Variants in PCDHA8 observed in about 807,000 individuals in gnomAD.
The protein encoded by PCDHA8 is protocadherin alpha 8, also known as protocadherin alpha-8.
PCDHA8 carries 53 observed loss-of-function variants against 61.8 expected under a neutral mutation model. The ratio of observed to expected loss-of-function variants is 0.86; its 90% CI spans 0.69 to 1.08. The LOEUF (loss-of-function observed/expected upper bound fraction) is 1.08. Ranked by LOEUF, PCDHA8 falls within the 50% of genes least tolerant of loss-of-function variation. The pLI is 0.00. For synonymous variants in PCDHA8, 618 were observed against 556.6 expected (o/e 1.11, Z -1.55); for missense variants, 1,293 against 1,245.0 (o/e 1.04, Z -0.58).
rs185275722 is a variant in PCDHA8 at position 140,880,200 on chromosome 5, G to A, written c.2394+36485G>A. Among the ~76,000 whole-genome samples the A allele has an allele frequency of 2.9e-3, 441 of 152,242 alleles. 2 individuals are homozygous for A. The highest frequency in any genetic ancestry group is 9.7e-3 in the African/African-American group (402 of 41,548). ...TGAAGGGAAAAAGATAAACAGAAGA[G>A]GTTTTCCACCAGAAGTAGAACATTT... is the stretch of plus-strand genomic sequence containing the variant. On this transcript the variant is annotated intron_variant, in intron 1 of 3. Coordinates refer to ENST00000531613, the MANE Select transcript of PCDHA8 (RefSeq NM_018911.3).
chr5:140,883,332 T>A, intron 1 of PCDHA8: 1 of 1,614,174 alleles, frequency 6.2e-7, no homozygotes, highest in East Asian at 2.2e-5. Context: ...ATCACTTCTT[T>A]GTCACTCCCC....
At chr5:140,933,848 C>T (rs1176922942) in intron 1 of PCDHA8, among the ~76,000 whole-genome samples, 6 of 151,862 alleles carry the variant, frequency 4.0e-5, no homozygotes, top group African/African-American at 1.5e-4. Context: ...ATTCCTGTAC[C>T]TTTAATTTTT....
At chr5:140,982,391 G>T (rs539713475) in intron 2 of PCDHA8, 84 bp from the exon 3 acceptor site, 2 of 1,597,556 alleles carry the variant, frequency 1.3e-6, no homozygotes, top group South Asian at 1.1e-5. Flanking sequence ...TGGCTTCATA[G>T]TTGTAAGCAA....
chr5:140,856,715 G>C, intron 1 of PCDHA8: 2 of 1,596,442 alleles, frequency 1.3e-6, no homozygotes, highest in African/African-American at 1.3e-5. Flanking sequence ...TGAATTTACC[G>C]GATCTGTTTC....
At chr5:140,980,722 A>G (rs1318137295) in intron 2 of PCDHA8, among the ~76,000 whole-genome samples, 1 of 152,356 alleles carries the variant, frequency 6.6e-6, no homozygotes, top group South Asian at 2.1e-4. Context: ...TCGGGTTTCA[A>G]TTAAGATATT....
chr5:140,853,533 T>C (rs2042784288), intron 1 of PCDHA8: 2 of 979,954 alleles, frequency 2.0e-6, no homozygotes, highest in African/African-American at 3.5e-5. Context: ...TATGTCTCTT[T>C]TCAAGTTGTA....
At chr5:140,926,362 C>G (rs1199629040) in intron 1 of PCDHA8, 4 of 152,268 alleles carry the variant, frequency 2.6e-5, no homozygotes, top group African/African-American at 9.7e-5. Context: ...TCCCAAAGGG[C>G]GGCAGGAAGA....
At chr5:140,962,930 C>A (rs2095720492) in intron 1 of PCDHA8, among the ~76,000 whole-genome samples, 1 of 152,144 alleles carries the variant, frequency 6.6e-6, no homozygotes, top group South Asian at 2.1e-4. Flanking sequence ...TACTTCTCAA[C>A]CTCCTCTCCA....
intron 1 of PCDHA8, chr5:140,927,498 G>A (rs782816586): frequency 3.1e-6 from 5 of 1,614,138 alleles, no homozygotes; most frequent in Middle Eastern, 1.6e-4. Context: ...ACCTGCTGGT[G>A]CTTACAGCTC....
intron 3 of PCDHA8, among the ~76,000 whole-genome samples, chr5:141,005,089 A>G (rs1554259886): frequency 6.6e-6 from 1 of 152,244 alleles, no homozygotes; most frequent in East Asian, 1.9e-4. Context: ...TTAGTACTTT[A>G]CATGCATTAC....
At chr5:140,854,883 G>A (rs1356000756) in intron 1 of PCDHA8, among the ~76,000 whole-genome samples, 2 of 149,592 alleles carry the variant, frequency 1.3e-5, no homozygotes, top group Admixed American at 1.3e-4. Flanking sequence ...TGTCTTTTGG[G>A]CATTTGAAAA....
rs2150482959 is a variant in PCDHA8, at chr5:140,850,410, G to C, written c.2394+6695G>C. The C allele has an allele frequency of 5.8e-5, 93 of 1,597,818 alleles. 8 individuals carry two copies. The highest frequency in any genetic ancestry group is 7.6e-5 in the Non-Finnish European group (89 of 1,167,718). On this transcript the variant is annotated intron_variant, in intron 1 of 3. Coordinates refer to ENST00000531613, the MANE Select transcript of PCDHA8 (RefSeq NM_018911.3). ...GATCAGCACAACGCGTGCCCTGGAC[G>C]AAACGGACGCACCGCGCCAGCGCCT...
chr5:140,998,746 A>C (rs1473770059), intron 3 of PCDHA8, among the ~76,000 whole-genome samples: 2 of 151,954 alleles, frequency 1.3e-5, no homozygotes, highest in Non-Finnish European at 2.9e-5. Context: ...GTATTTTTAG[A>C]AGAGACACAG....
In PCDHA8 at chr5:140,845,055, G is replaced by T. The variant is rs2150376092; in HGVS notation, c.2394+1340G>T. 3.3e-5 allele frequency among the ~76,000 whole-genome samples: 5 copies of T among 149,320 alleles called. 1 individual carries two copies. The highest frequency in any genetic ancestry group is 6.0e-5 in the Non-Finnish European group (4 of 66,724). ...TTTTAGCCCCCTTGTCCAACTGAAG[G>T]TAACCTCAAAGCAGCATTGTTTTGT... On this transcript the variant is annotated intron_variant, in intron 1 of 3. Transcript: ENST00000531613.
intron 1 of PCDHA8, among the ~76,000 whole-genome samples, chr5:140,931,201 A>G (rs1444701917): frequency 2.6e-5 from 4 of 152,176 alleles, no homozygotes; most frequent in Admixed American, 2.6e-4. Context: ...CTACAATGCT[A>G]GTATTTCAGG....
rs2150351099 is a variant in PCDHA8 at position 140,843,050 on chromosome 5, G to C, written c.1729G>C (p.Ala577Pro). ...EPRVGGTGGA[A>P]SKLVPRSVGA... ...TCGGGTGGGTGGCACTGGTGGCGCA[G>C]CGAGCAAGCTGGTGCCGCGGTCTGT... Residue 577 changes from alanine to proline, a missense_variant, in exon 1 of 4, where the codon GCG (alanine) becomes CCG (proline). Physicochemically the swap from Ala to Pro is conservative, Grantham distance 27. Coordinates refer to ENST00000531613, the MANE Select transcript of PCDHA8 (RefSeq NM_018911.3). 4 of 1,595,142 alleles carry C rather than the reference G, an allele frequency of 2.5e-6. 1 individual carries two copies. The highest frequency in any genetic ancestry group is 3.4e-6 in the Non-Finnish European group (4 of 1,165,280).
At chr5:140,972,750 G>A (rs2096554223) in intron 1 of PCDHA8, among the ~76,000 whole-genome samples, 2 of 143,042 alleles carry the variant, frequency 1.4e-5, no homozygotes, top group South Asian at 2.2e-4. Context: ...TGCAACCTCC[G>A]CCTCCCAAGT....
chr5:140,952,010 C>A (rs1188540877), intron 1 of PCDHA8, among the ~76,000 whole-genome samples: 2 of 152,128 alleles, frequency 1.3e-5, no homozygotes, highest in Non-Finnish European at 2.9e-5. Flanking sequence ...GAATTATAGG[C>A]CCCATGCAAG....
intron 1 of PCDHA8, among the ~76,000 whole-genome samples, chr5:140,874,947 T>C (rs2055188699): frequency 6.6e-6 from 1 of 152,240 alleles, no homozygotes; most frequent in African/African-American, 2.4e-5. Flanking sequence ...AACAGCGGAA[T>C]TGTAAGCTAT....
Sources: allele counts gnomAD v4.1 joint callset (sites outside exome capture counted in the v4.1 genomes callset), GRCh38; gene constraint gnomAD v4.1.1; transcripts MANE v1.5; gene names NCBI Gene and HGNC (gene_info 2026-07-23, HGNC 2026-07-21).